URGCP: variants seen among roughly 807,000 people sequenced by gnomAD.
URGCP encodes upregulator of cell proliferation.
A neutral mutation model predicts 24.6 loss-of-function variants in URGCP; 13 were observed. That is an observed-to-expected ratio of 0.53 (90% CI 0.34 to 0.84). The LOEUF (loss-of-function observed/expected upper bound fraction) is 0.84. Among genes scored for constraint, URGCP ranks in the 40% least tolerant of loss-of-function variants. URGCP has a pLI of 0.01. For synonymous variants in URGCP, 444 were observed against 487.2 expected (o/e 0.91, Z 1.17); for missense variants, 899 against 1,194.3 (o/e 0.75, Z 3.64).
chr7:43,877,029 T>G lies in URGCP; in HGVS notation c.2434A>C (p.Met812Leu), dbSNP rs759596098. The change falls in exon 6 of 6, where the codon ATG becomes CTG. Residue 812 changes from methionine (M) to leucine (L), a missense_variant. Met to Leu is a conservative substitution (Grantham distance 15). Transcript: ENST00000453200. ...TGGTATACAAACTGGTAGTTGGGCA[T>G]GTGCCCCGTTTTTTCTAACCTCAGA... ...AFLRLEKTGH[M>L]PNYQFVYQNL... 3 of 1,614,246 alleles carry G rather than the reference T, an allele frequency of 1.9e-6. No homozygotes were observed. In the Admixed American group the frequency reaches 5.0e-5, roughly 27 times the overall value.
At position 43,876,719 on chromosome 7, in the gene URGCP, G is replaced by A. The variant is rs746462722; in HGVS notation, c.2744C>T (p.Ser915Leu). ...CTGCTGGATGTTTTTGTTTTGGTTC[G>A]ACAAGCCGTTCCTGATGTTTTCGAG... ...CLLENIRNGL[S>L]NQNKNIQQLI... is the part of the protein sequence containing the mutation. Residue 915 changes from serine (S) to leucine (L), a missense_variant, in exon 6 of 6, where the codon TCG (serine) becomes TTG (leucine). Ser to Leu is a moderately radical substitution (Grantham distance 145). Coordinates refer to ENST00000453200, the MANE Select transcript of URGCP (RefSeq NM_001077663.3). 2 of 1,614,058 alleles carry A rather than the reference G, an allele frequency of 1.2e-6. No individual in the cohort carries two copies. Among genetic ancestry groups the A allele is most frequent in the Non-Finnish European group, 1.7e-6 (2 of 1,180,054 alleles).
At position 43,914,137 on chromosome 7, in the gene URGCP, G is replaced by A. The variant is rs1028167358; in HGVS notation, c.-116+11995C>T. 4.7e-4 allele frequency among the ~76,000 whole-genome samples: 71 copies of A among 152,190 alleles called. 1 individual carries two copies. Among genetic ancestry groups the A allele is most frequent in the Non-Finnish European group, 1.2e-4 (8 of 68,036 alleles). ...GCTCCCTAAGTAGCTGGTACTACAGGTGCTTGCCACCACACCTGGCTAATT... is the reference window on the plus strand; with the variant it reads ...GCTCCCTAAGTAGCTGGTACTACAGATGCTTGCCACCACACCTGGCTAATT... On this transcript the variant is annotated intron_variant, in intron 1 of 5. Coordinates refer to the URGCP transcript ENST00000426198.
chr7:43,903,201 A>G (rs1371452003), intron 1 of URGCP, among the ~76,000 whole-genome samples: 2 of 152,176 alleles, frequency 1.3e-5, no homozygotes, highest in African/African-American at 4.8e-5. Flanking sequence ...AAACAAATGT[A>G]TGTGGATCTG....
chr7:43,882,009 C>CAAAAT, intron 3 of URGCP, 52 bp from the exon 4 acceptor site: 1 of 1,611,874 alleles, frequency 6.2e-7, no homozygotes, highest in Non-Finnish European at 8.5e-7. Context: ...AAGTTAGAAC[C>CAAAAT]TTTCTGTCAA....
intron 1 of URGCP, among the ~76,000 whole-genome samples, chr7:43,901,647 G>A (rs989717302): frequency 6.6e-6 from 1 of 152,206 alleles, no homozygotes; most frequent in Non-Finnish European, 1.5e-5. Flanking sequence ...TTCTCAGTGT[G>A]GTTTACGGGG....
chr7:43,893,254 T>C (rs1472207601), intron 1 of URGCP, among the ~76,000 whole-genome samples: 1 of 151,656 alleles, frequency 6.6e-6, no homozygotes, highest in African/African-American at 2.4e-5. Flanking sequence ...ACCTGAGCCC[T>C]GGAAGGTCAA....
rs1390106046 is a variant in URGCP at position 43,876,540 on chromosome 7, CTCG to C, written c.*124_*126del. 20 of 1,046,572 alleles carry C rather than the reference CTCG, an allele frequency of 1.9e-5. No homozygotes were observed. The highest frequency in any genetic ancestry group is 1.6e-4 in the Admixed American group (7 of 43,998). The allele number at this position is 1,046,572 out of a possible 1,614,324, so 64.8% of individuals were successfully genotyped here. On this transcript the variant is annotated 3_prime_UTR_variant, in exon 6 of 6. Transcript: ENST00000453200. ...AGGAGACTCCAAACCCTGTCTTTTC[CTCG>C]TCTTCTCATGTCGATTGGGCACCAG... is the stretch of plus-strand genomic sequence containing the variant.
Position 43,881,661 on chromosome 7 carries a change from G to A in URGCP, c.200C>T (p.Thr67Ile). Reference sequence around the variant, plus strand: ...GAAAAGGCAGAGAAAATGCTTACCTGTTGGAAAATCATTGTCCTGAGCCTC... The same window carrying A: ...GAAAAGGCAGAGAAAATGCTTACCTATTGGAAAATCATTGTCCTGAGCCTC... ...TNEAQDNDFP[T>I]VERSRLQEML... The change falls in exon 5 of 6, where the codon ACA becomes ATA. Residue 67 changes from threonine (T) to isoleucine (I), a missense_variant and splice_region_variant. Physicochemically the swap from Thr to Ile is moderately conservative, Grantham distance 89 (BLOSUM62 -1). Transcript: ENST00000453200. 1 of 1,614,064 alleles carries A rather than the reference G, an allele frequency of 6.2e-7. No individual in the cohort carries two copies. Among genetic ancestry groups the A allele is most frequent in the Non-Finnish European group, 8.5e-7 (1 of 1,180,022 alleles).
At position 43,877,543 on chromosome 7, in the gene URGCP, C is replaced by T. The variant is rs754066426; in HGVS notation, c.1920G>A (p.Gln640=). The T allele has an allele frequency of 6.2e-7, 1 of 1,613,254 alleles. No homozygotes were observed. Among genetic ancestry groups the T allele is most frequent in the South Asian group, 1.1e-5 (1 of 91,086 alleles). Reference sequence around the variant, plus strand: ...AGCCTGGGAAGTGGGCAAAACGCCTCTGGCCTGCCGGCAGCCTCCCTGCCT... The same window carrying T: ...AGCCTGGGAAGTGGGCAAAACGCCTTTGGCCTGCCGGCAGCCTCCCTGCCT... The part of the protein sequence containing the change: ...LVEAGRLPAG[Q]RRFAHFPGLA... Residue 640 remains glutamine, a synonymous_variant, in exon 6 of 6, where the codon CAG becomes CAA. Coordinates refer to ENST00000453200, the MANE Select transcript of URGCP (RefSeq NM_001077663.3).
intron 3 of URGCP, among the ~76,000 whole-genome samples, chr7:43,883,769 C>T (rs905989808): frequency 1.6e-4 from 25 of 152,060 alleles, no homozygotes; most frequent in Non-Finnish European, 4.4e-5. Flanking sequence ...CATTTCAAAC[C>T]GTCTTCTTTG....
intron 1 of URGCP, among the ~76,000 whole-genome samples, chr7:43,914,427 C>T (rs2095913412): frequency 6.6e-6 from 1 of 152,108 alleles, no homozygotes; most frequent in Non-Finnish European, 1.5e-5. Flanking sequence ...ATCTCTTGAG[C>T]CTGGGAGATG....
At chr7:43,924,727 A>G (rs140894049) in intron 1 of URGCP, among the ~76,000 whole-genome samples, 3 of 152,266 alleles carry the variant, frequency 2.0e-5, no homozygotes, top group Non-Finnish European at 4.4e-5. Flanking sequence ...CTTGATAGTC[A>G]GGTGGGCTGG....
chr7:43,888,436 A>G (rs947059280), intron 1 of URGCP: 2 of 149,900 alleles, frequency 1.3e-5, no homozygotes, highest in African/African-American at 4.9e-5. Flanking sequence ...CAGGAGGCAG[A>G]GTTGCAGTGA....
At chr7:43,919,602 A>C in intron 1 of URGCP, 1 of 1,416,280 alleles carries the variant, frequency 7.1e-7, no homozygotes, top group Non-Finnish European at 1.0e-6. Context: ...GCAGCCCAAG[A>C]ACGTGATGGT....
At chr7:43,904,780 A>G (rs2095897994) in intron 1 of URGCP, among the ~76,000 whole-genome samples, 1 of 152,316 alleles carries the variant, frequency 6.6e-6, no homozygotes, top group South Asian at 2.1e-4. Flanking sequence ...ACAAACCTAC[A>G]TCGTAAGGTG....
At chr7:43,924,513 A>G (rs187532254) in intron 1 of URGCP, among the ~76,000 whole-genome samples, 1 of 152,346 alleles carries the variant, frequency 6.6e-6, no homozygotes, top group East Asian at 1.9e-4. Flanking sequence ...TATAAAATCT[A>G]GAATCACTTG....
At chr7:43,922,894 CTCTTTCTT>C (rs576826513) in intron 1 of URGCP, among the ~76,000 whole-genome samples, 2 of 151,040 alleles carry the variant, frequency 1.3e-5, no homozygotes, top group South Asian at 4.2e-4. Flanking sequence ...TTTTTTCTTT[CTCTTTCTT>C]TCTTTCTTTC....
chr7:43,897,702 C>T (rs1329921628), intron 1 of URGCP, among the ~76,000 whole-genome samples: 3 of 152,068 alleles, frequency 2.0e-5, no homozygotes, highest in Admixed American at 6.6e-5. Context: ...TCTATGTTAC[C>T]GGCTGCCAGG....
In URGCP at chr7:43,892,487, T is replaced by C. The variant is rs576240941; in HGVS notation, c.15-4671A>G. On this transcript the variant is annotated intron_variant, in intron 1 of 5. Transcript: ENST00000453200. ...CAGGAACCACAGGAAACTAATACAG[T>C]GTATGTGTGGCTTGACAGCTACACC... 5.9e-5 allele frequency among the ~76,000 whole-genome samples: 9 copies of C among 151,818 alleles called. No homozygotes were observed. The South Asian group carries it at 1.9e-3, about 32-fold the overall frequency.
Sources: allele counts gnomAD v4.1 joint callset (sites outside exome capture counted in the v4.1 genomes callset), GRCh38; gene constraint gnomAD v4.1.1; transcripts MANE v1.5; gene names NCBI Gene and HGNC (gene_info 2026-07-23, HGNC 2026-07-21).